TTC7B: variants seen among roughly 807,000 people sequenced by gnomAD.
The protein encoded by TTC7B is tetratricopeptide repeat domain 7B.
Under a neutral mutation model 106.8 loss-of-function variants are expected in TTC7B, and 28 were observed. The ratio of observed to expected loss-of-function variants is 0.26; its 90% confidence interval spans 0.19 to 0.36. TTC7B has a LOEUF of 0.36. Ranked by LOEUF, TTC7B falls within the 10% of genes least tolerant of loss-of-function variation. TTC7B has a pLI of 1.00. For missense variants in TTC7B, 862 were observed against 1,076.4 expected, an observed-to-expected ratio of 0.80 and a Z score of 2.79; for synonymous variants, 405 against 430.6, an observed-to-expected ratio of 0.94 and a Z score of 0.74.
intron 1 of TTC7B, 54 bp downstream of exon 1, chr14:90,816,121 C>T (rs1419789224): frequency 9.8e-7 from 1 of 1,022,750 alleles, no homozygotes; most frequent in African/African-American, 1.7e-5. Flanking sequence ...GGGGCCCGTT[C>T]CCGCGGAGGC....
At chr14:90,544,786 G>A (rs1212128496) in intron 19 of TTC7B, among the ~76,000 whole-genome samples, 2 of 152,142 alleles carry the variant, frequency 1.3e-5, no homozygotes, top group Admixed American at 6.5e-5. Flanking sequence ...TTCCTGGCAT[G>A]GCTTTCTTGG....
At chr14:90,691,006 A>G (rs1310412481) in intron 6 of TTC7B, among the ~76,000 whole-genome samples, 2 of 152,180 alleles carry the variant, frequency 1.3e-5, no homozygotes, top group African/African-American at 4.8e-5. Flanking sequence ...GCAATCTGTA[A>G]AGATCTCATA....
chr14:90,766,889 A>G, intron 3 of TTC7B: 3 of 1,590,734 alleles, frequency 1.9e-6, no homozygotes, highest in East Asian at 2.2e-5. Context: ...ATTCGGGCCC[A>G]TAGAGGGCTG....
rs111206786 is a variant in TTC7B, at chr14:90,695,229, T to G, written c.777+271A>C. ...ACATGTATATTTTATATACATTTTA[T>G]TATAAAACATGTATATTTTATATAC... On this transcript the variant is annotated intron_variant, in intron 6 of 19. Coordinates refer to ENST00000328459, the MANE Select transcript of TTC7B (RefSeq NM_001010854.2). 9.2e-3 allele frequency among the ~76,000 whole-genome samples: 1,290 copies of G among 140,240 alleles called. 30 individuals are homozygous for G. The highest frequency in any genetic ancestry group is 0.021 in the African/African-American group (753 of 36,686). 92.0% of individuals were successfully genotyped at this position (140,240 alleles called of 152,430 possible). A position where few individuals can be genotyped will look rare whatever the true frequency, so the allele number is the denominator to read the frequency against.
rs1316380901 is a variant in TTC7B at position 90,608,613 on chromosome 14, A to AAG, written c.1966+2127_1966+2128dup. On this transcript the variant is annotated intron_variant, in intron 17 of 19. Coordinates refer to ENST00000328459, the MANE Select transcript of TTC7B (RefSeq NM_001010854.2). The surrounding 1 kb of genome is among the most constrained non-coding windows in gnomAD (Gnocchi z 5.1). The stretch of plus-strand genomic sequence containing the variant: ...TACCACTAAGCAGAGGGGGAGGAGG[A>AAG]AGACCCGGGGGCCAGGCCCAACCCA... 6.6e-6 allele frequency among the ~76,000 whole-genome samples: 1 copy of AAG among 152,076 alleles called. No homozygotes were observed. Among genetic ancestry groups the AAG allele is most frequent in the Non-Finnish European group, 1.5e-5 (1 of 68,010 alleles).
intron 15 of TTC7B, chr14:90,642,709 G>A (rs1302339110): frequency 6.6e-6 from 1 of 152,178 alleles, no homozygotes; most frequent in Non-Finnish European, 1.5e-5. Flanking sequence ...GGATTATAGT[G>A]ATTCAGAGGA....
At chr14:90,630,990 A>G (rs1884678636) in intron 15 of TTC7B, among the ~76,000 whole-genome samples, 1 of 151,614 alleles carries the variant, frequency 6.6e-6, no homozygotes, top group African/African-American at 2.4e-5. Context: ...GCCTGCCACC[A>G]CGCCCAGCTA....
intron 19 of TTC7B, among the ~76,000 whole-genome samples, chr14:90,543,982 C>T (rs1413191034): frequency 6.6e-6 from 1 of 152,228 alleles, no homozygotes; most frequent in Non-Finnish European, 1.5e-5. Flanking sequence ...TCCATAAGCC[C>T]CCAACAGGGG....
chr14:90,694,716 A>T (rs2139944927), intron 6 of TTC7B, among the ~76,000 whole-genome samples: 1 of 141,514 alleles, frequency 7.1e-6, no homozygotes, highest in African/African-American at 2.5e-5. Context: ...TTTTATTATA[A>T]AATAGGTATA....
At chr14:90,780,967 C>G in intron 2 of TTC7B, 61 bp from the exon 3 acceptor site, 1 of 1,500,532 alleles carries the variant, frequency 6.7e-7, no homozygotes, top group Admixed American at 1.7e-5. Flanking sequence ...GATGCTCCCT[C>G]AGAGTCTGGC....
chr14:90,623,370 T>C (rs765544527), intron 15 of TTC7B, among the ~76,000 whole-genome samples: 4 of 152,204 alleles, frequency 2.6e-5, no homozygotes, highest in Non-Finnish European at 5.9e-5. Context: ...AATGGAAATG[T>C]AAACCCAAAT....
Position 90,766,256 on chromosome 14 carries a change from A to G in TTC7B, c.445+14482T>C, listed in dbSNP as rs564587396. 5.3e-5 allele frequency among the ~76,000 whole-genome samples: 7 copies of G among 131,950 alleles called. No individual in the cohort carries two copies. The South Asian group carries it at 1.6e-3, about 29-fold the overall frequency. 86.6% of individuals were successfully genotyped at this position (131,950 alleles called of 152,430 possible). A position where few individuals can be genotyped will look rare whatever the true frequency, so the allele number is the denominator to read the frequency against. On this transcript the variant is annotated intron_variant, in intron 3 of 19. Coordinates refer to ENST00000328459, the MANE Select transcript of TTC7B (RefSeq NM_001010854.2). The stretch of plus-strand genomic sequence containing the variant: ...TTTTCAACAACATCAAAAAAAAATC[A>G]GAAGGCACACACACAAAAATGGAAA...
At position 90,530,109 on chromosome 14, in the gene TTC7B, A is replaced by G. The variant is rs1421618256; in HGVS notation, c.*11259T>C. ...CGGCGAAACCCCGTCTCTACTAAAA[A>G]TGCAAAAAATTAGCCAGGCGTGGTG... On this transcript the variant is annotated 3_prime_UTR_variant, in exon 20 of 20. Coordinates refer to ENST00000328459, the MANE Select transcript of TTC7B (RefSeq NM_001010854.2). The G allele has an allele frequency of 6.6e-6, 1 of 152,224 alleles. No homozygotes were observed. Among genetic ancestry groups the G allele is most frequent in the African/African-American group, 2.4e-5 (1 of 41,448 alleles). The allele number at this position is 152,224 out of a possible 1,614,324, so 9.4% of individuals were successfully genotyped here.
At chr14:90,760,812 A>T (rs1890474925) in intron 3 of TTC7B, among the ~76,000 whole-genome samples, 1 of 152,204 alleles carries the variant, frequency 6.6e-6, no homozygotes, top group South Asian at 2.1e-4. Flanking sequence ...ACGCAGACCT[A>T]TTCCTGAATC....
At chr14:90,785,484 G>T (rs887851333) in intron 2 of TTC7B, among the ~76,000 whole-genome samples, 1 of 152,248 alleles carries the variant, frequency 6.6e-6, no homozygotes, top group South Asian at 2.1e-4. Context: ...CCAGGGGAGT[G>T]TGAGCCACCT....
intron 15 of TTC7B, among the ~76,000 whole-genome samples, chr14:90,639,454 G>A (rs1885075429): frequency 1.3e-5 from 2 of 152,218 alleles, no homozygotes; most frequent in Admixed American, 6.5e-5. Context: ...AAACTCATTA[G>A]TAATGAGGGA....
At chr14:90,762,429 C>A (rs1190300275) in intron 3 of TTC7B, among the ~76,000 whole-genome samples, 1 of 152,230 alleles carries the variant, frequency 6.6e-6, no homozygotes, top group African/African-American at 2.4e-5. Flanking sequence ...CCCCCTTAAC[C>A]AGTCTCCTTC....
intron 3 of TTC7B, among the ~76,000 whole-genome samples, chr14:90,754,913 A>G (rs1198679033): frequency 6.6e-6 from 1 of 152,110 alleles, no homozygotes; most frequent in Non-Finnish European, 1.5e-5. Context: ...TCAGAACTTC[A>G]TCCTTTTTTT....
intron 15 of TTC7B, among the ~76,000 whole-genome samples, chr14:90,630,462 T>G (rs1884645327): frequency 6.6e-6 from 1 of 152,202 alleles, no homozygotes. Flanking sequence ...GCTCAGAAAG[T>G]TTCGTTTCTT....
Sources: gnomAD v4.1 joint callset for allele counts (sites outside exome capture counted in the v4.1 genomes callset) on GRCh38, gnomAD v4.1.1 for gene constraint, Gnocchi (gnomAD v3.1) non-coding constraint, MANE v1.5 for transcripts, NCBI Gene and HGNC (gene_info 2026-07-23, HGNC 2026-07-21) for gene names.